Variants in PHACTR2 observed in about 807,000 individuals in gnomAD.
The protein encoded by PHACTR2 is chromosome 6 open reading frame 56.
A neutral mutation model predicts 76.0 loss-of-function variants in PHACTR2; 30 were observed. The observed-to-expected ratio is 0.39, with a 90% CI of 0.30 to 0.54. PHACTR2 has a LOEUF of 0.54. Ranked by LOEUF, PHACTR2 falls within the 20% of genes least tolerant of loss-of-function variation. The pLI, the probability that PHACTR2 is intolerant of heterozygous loss-of-function variation, is 0.61. For synonymous variants in PHACTR2, 292 were observed against 292.5 expected, an observed-to-expected ratio of 1.00 and a Z score of 0.02; for missense variants, 696 against 781.1, an observed-to-expected ratio of 0.89 and a Z score of 1.30.
intron 2 of PHACTR2, among the ~76,000 whole-genome samples, chr6:143,728,004 G>T (rs569129341): frequency 5.3e-5 from 8 of 150,678 alleles, no homozygotes; most frequent in African/African-American, 9.8e-5. Context: ...GCAAGAGAAA[G>T]AAATAAAAGG....
rs3833486 is a variant in PHACTR2 at position 143,757,989 on chromosome 6, A to ACG, written c.455-2412_455-2411insCG. ...CACACACACACACACACACACACACATAACTTAAGAATTACCAGAATGACA... is the reference window on the plus strand; with the variant it reads ...CACACACACACACACACACACACACACGTAACTTAAGAATTACCAGAATGACA... On this transcript the variant is annotated intron_variant, in intron 4 of 12. Coordinates refer to ENST00000440869, the MANE Select transcript of PHACTR2 (RefSeq NM_001100164.2). The surrounding 1 kb of genome is among the most constrained non-coding windows in gnomAD (Gnocchi z 4.2). 1.4e-5 allele frequency among the ~76,000 whole-genome samples: 2 copies of ACG among 141,472 alleles called. No individual in the cohort carries two copies. Among genetic ancestry groups the ACG allele is most frequent in the African/African-American group, 6.3e-5 (2 of 31,508 alleles). The allele number at this position is 141,472 out of a possible 152,430, so 92.8% of individuals were successfully genotyped here. A position where few individuals can be genotyped will look rare whatever the true frequency, so the allele number is the denominator to read the frequency against.
Position 143,581,604 on chromosome 6 carries a change from C to T in PHACTR2, c.217+44397C>T, listed in dbSNP as rs534292934. ...ATTATCTATTGCTGCATGACAAATA[C>T]GGATCACTCAAGTCCAGGAGTTTGA... is the stretch of plus-strand genomic sequence containing the variant. On this transcript the variant is annotated intron_variant, in intron 1 of 11. Coordinates refer to the PHACTR2 transcript ENST00000367584. This position sits in a 1 kb window ranked among gnomAD's most constrained non-coding sequence, Gnocchi z 4.5. Among the ~76,000 whole-genome samples the T allele has an allele frequency of 6.6e-6, 1 of 152,092 alleles. No individual in the cohort carries two copies. The highest frequency in any genetic ancestry group is 2.4e-5 in the African/African-American group (1 of 41,406).
At position 143,663,318 on chromosome 6, in the gene PHACTR2, T is replaced by C. The variant is rs1437370022; in HGVS notation, c.14-48698T>C. Among the ~76,000 whole-genome samples, 24 of 152,236 alleles carry C rather than the reference T, an allele frequency of 1.6e-4. No individual in the cohort carries two copies. The highest frequency in any genetic ancestry group is 1.6e-3 in the Admixed American group (24 of 15,278). Reference sequence around the variant, plus strand: ...AAAGTTGCAGAGCACTCTCTCAACATGCTGAGTGAAGGCTTGCCCTCCCCG... The same window carrying C: ...AAAGTTGCAGAGCACTCTCTCAACACGCTGAGTGAAGGCTTGCCCTCCCCG... On this transcript the variant is annotated intron_variant, in intron 1 of 11. Coordinates refer to the PHACTR2 transcript ENST00000305766. This position sits in a 1 kb window ranked among gnomAD's most constrained non-coding sequence, Gnocchi z 4.1.
At chr6:143,704,774 C>T (rs897102566) in intron 1 of PHACTR2, among the ~76,000 whole-genome samples, 2 of 152,138 alleles carry the variant, frequency 1.3e-5, no homozygotes, top group African/African-American at 2.4e-5. Context: ...CCTTAGGCTT[C>T]TCTGGTCTGA....
chr6:143,686,000 C>T (rs1000911792), intron 1 of PHACTR2, among the ~76,000 whole-genome samples: 3 of 151,760 alleles, frequency 2.0e-5, no homozygotes, highest in Non-Finnish European at 4.4e-5. Flanking sequence ...GGTGTGGTGG[C>T]GGGCGCCCGT....
At chr6:143,718,869 G>A (rs982595237) in intron 2 of PHACTR2, among the ~76,000 whole-genome samples, 1 of 150,652 alleles carries the variant, frequency 6.6e-6, no homozygotes, top group African/African-American at 2.4e-5. Context: ...TTGGAAAGTT[G>A]GAAGTGTTTT....
At position 143,617,571 on chromosome 6, in the gene PHACTR2, G is replaced by A. The variant is rs1265916717; in HGVS notation, c.13+9249G>A. On this transcript the variant is annotated intron_variant, in intron 1 of 11. Coordinates refer to the PHACTR2 transcript ENST00000305766. This position sits in a 1 kb window ranked among gnomAD's most constrained non-coding sequence, Gnocchi z 4.8. ...CCACTATATTCTAATGAGCCATGAGGGTGACAACCACTGTTAGAGTCCTCT... is the reference window on the plus strand; with the variant it reads ...CCACTATATTCTAATGAGCCATGAGAGTGACAACCACTGTTAGAGTCCTCT... Among the ~76,000 whole-genome samples the A allele has an allele frequency of 2.0e-5, 3 of 152,102 alleles. No individual in the cohort carries two copies. The highest frequency in any genetic ancestry group is 4.4e-5 in the Non-Finnish European group (3 of 68,014).
intron 11 of PHACTR2, among the ~76,000 whole-genome samples, chr6:143,804,699 T>G (rs1183458282): frequency 6.6e-6 from 1 of 152,264 alleles, no homozygotes; most frequent in African/African-American, 2.4e-5. Flanking sequence ...AATGCTTTCA[T>G]TGATTTTTGC....
chr6:143,667,391 G>A (rs182828433), intron 1 of PHACTR2, among the ~76,000 whole-genome samples: 1 of 152,296 alleles, frequency 6.6e-6, no homozygotes, highest in Non-Finnish European at 1.5e-5. Flanking sequence ...GAAATTTAAA[G>A]TAGTTTTTTA....
rs1249085971 is a variant in PHACTR2, at chr6:143,652,154, C to T, written c.13+43832C>T. ...TGATGGGGGAACCGTTTACTAGGTA[C>T]AACCACAAGATATTTGGTCAAAAAG... On this transcript the variant is annotated intron_variant, in intron 1 of 11. Transcript: ENST00000305766. This position sits in a 1 kb window ranked among gnomAD's most constrained non-coding sequence, Gnocchi z 4.5. Among the ~76,000 whole-genome samples, 1 of 151,178 alleles carries T rather than the reference C, an allele frequency of 6.6e-6. No individual in the cohort carries two copies. The highest frequency in any genetic ancestry group is 2.4e-5 in the African/African-American group (1 of 41,218).
chr6:143,814,158 C>T (rs550900816), intron 12 of PHACTR2, among the ~76,000 whole-genome samples: 2 of 152,098 alleles, frequency 1.3e-5, no homozygotes, highest in African/African-American at 4.8e-5. Flanking sequence ...GAGTTCGAGA[C>T]GAGCTTGGCC....
chr6:143,791,821 T>C lies in PHACTR2; in HGVS notation c.1845+2911T>C, dbSNP rs9376786. ...AACTTTGTTATATTTAAAAATATAA[T>C]TTTTAAACTGGATTGTCAAAATGAG... On this transcript the variant is annotated intron_variant, in intron 11 of 12. Coordinates refer to ENST00000440869, the MANE Select transcript of PHACTR2 (RefSeq NM_001100164.2). This position sits in a 1 kb window ranked among gnomAD's most constrained non-coding sequence, Gnocchi z 4.7. 0.18 allele frequency among the ~76,000 whole-genome samples: 28,122 copies of C among 152,150 alleles called. 2,629 individuals are homozygous for C. The highest frequency in any genetic ancestry group is 0.2 in the Non-Finnish European group (13,765 of 67,996).
At chr6:143,563,394 C>G (rs1775308713) in intron 1 of PHACTR2, among the ~76,000 whole-genome samples, 1 of 66,678 alleles carries the variant, frequency 1.5e-5, no homozygotes, top group Admixed American at 1.3e-4. Flanking sequence ...GAAACCGCAT[C>G]TCTACGAAAA....
chr6:143,727,958 T>C (rs958740703), intron 2 of PHACTR2, among the ~76,000 whole-genome samples: 4 of 152,102 alleles, frequency 2.6e-5, no homozygotes, highest in Non-Finnish European at 5.9e-5. Context: ...CTTTCACCTC[T>C]CCTATTGAAC....
At position 143,819,756 on chromosome 6, in the gene PHACTR2, G is replaced by A. The variant is rs766190088; in HGVS notation, c.1923-3918G>A. ...CTCTGGCAGATTGGCTGTGGCCACC[G>A]ACACTGAGGGAAGATCTTCCCTACC... On this transcript the variant is annotated intron_variant, in intron 12 of 12. Transcript: ENST00000440869. The surrounding 1 kb of genome is among the most constrained non-coding windows in gnomAD (Gnocchi z 5.0). Among the ~76,000 whole-genome samples the A allele has an allele frequency of 1.3e-5, 2 of 152,048 alleles. No homozygotes were observed. Among genetic ancestry groups the A allele is most frequent in the East Asian group, 1.9e-4 (1 of 5,190 alleles).
In PHACTR2 at chr6:143,679,816, G is replaced by A. The variant is rs1409207407; in HGVS notation, c.46+1607G>A. 1.3e-5 allele frequency among the ~76,000 whole-genome samples: 2 copies of A among 152,120 alleles called. No homozygotes were observed. Among genetic ancestry groups the A allele is most frequent in the Non-Finnish European group, 2.9e-5 (2 of 68,016 alleles). ...TCCAAATAAAATGACTGATTATAAT[G>A]AGAAACTGTAATCTACTTAAGTAAA... On this transcript the variant is annotated intron_variant, in intron 1 of 12. Coordinates refer to ENST00000440869, the MANE Select transcript of PHACTR2 (RefSeq NM_001100164.2). The surrounding 1 kb of genome is among the most constrained non-coding windows in gnomAD (Gnocchi z 4.6).
rs565085767 is a variant in PHACTR2 at position 143,627,516 on chromosome 6, G to A, written c.13+19194G>A. Among the ~76,000 whole-genome samples, 3 of 152,118 alleles carry A rather than the reference G, an allele frequency of 2.0e-5. No homozygotes were observed. The highest frequency in any genetic ancestry group is 1.3e-4 in the Admixed American group (2 of 15,280). On this transcript the variant is annotated intron_variant, in intron 1 of 11. Transcript: ENST00000305766. This position sits in a 1 kb window ranked among gnomAD's most constrained non-coding sequence, Gnocchi z 4.3. ...CCCATCTTTTAATTTTTGTATTAAGGTGAGATTCGCATGACATAAAATTAA... is the reference window on the plus strand; with the variant it reads ...CCCATCTTTTAATTTTTGTATTAAGATGAGATTCGCATGACATAAAATTAA...
rs536241381 is a variant in PHACTR2 at position 143,738,454 on chromosome 6, A to T, written c.215-10531A>T. 9.2e-5 allele frequency among the ~76,000 whole-genome samples: 14 copies of T among 152,056 alleles called. No individual in the cohort carries two copies. Among genetic ancestry groups the T allele is most frequent in the Non-Finnish European group, 1.3e-4 (9 of 67,974 alleles). On this transcript the variant is annotated intron_variant, in intron 2 of 12. Transcript: ENST00000440869. This position sits in a 1 kb window ranked among gnomAD's most constrained non-coding sequence, Gnocchi z 4.0. The stretch of plus-strand genomic sequence containing the variant: ...AGCCACCTTTACCCCAGGGCAATAG[A>T]ATTAGATCTTTAAATGAGTTGGGAC...
rs1415917628 is a variant in PHACTR2, at chr6:143,680,077, C to T, written c.46+1868C>T. 6.6e-6 allele frequency among the ~76,000 whole-genome samples: 1 copy of T among 151,796 alleles called. No individual in the cohort carries two copies. Among genetic ancestry groups the T allele is most frequent in the Non-Finnish European group, 1.5e-5 (1 of 67,970 alleles). On this transcript the variant is annotated intron_variant, in intron 1 of 12. Coordinates refer to ENST00000440869, the MANE Select transcript of PHACTR2 (RefSeq NM_001100164.2). This position sits in a 1 kb window ranked among gnomAD's most constrained non-coding sequence, Gnocchi z 4.5. ...TAAAAGAACAGTTTTCTCGTGGTAT[C>T]CAGTGTCTCTAAATCCGTTAGAGCT...
Sources: allele counts gnomAD v4.1 joint callset (sites outside exome capture counted in the v4.1 genomes callset), GRCh38; gene constraint gnomAD v4.1.1; non-coding constraint Gnocchi (gnomAD v3.1); transcripts MANE v1.5; gene names NCBI Gene and HGNC (gene_info 2026-07-23, HGNC 2026-07-21).